Variants in PWWP2B observed in about 807,000 individuals in gnomAD.
PWWP2B encodes the protein PWWP domain containing 2B.
In PWWP2B, 9 loss-of-function variants were observed where a neutral mutation model predicts 15.5. The ratio of observed to expected loss-of-function variants is 0.58; its 90% CI spans 0.35 to 1.02. The LOEUF (loss-of-function observed/expected upper bound fraction) is 1.02. PWWP2B is among the 50% of genes least tolerant of loss of function. PWWP2B has a pLI of 0.02. For missense variants in PWWP2B, 864 were observed against 865.3 expected, an observed-to-expected ratio of 1.00 and a Z score of 0.02; for synonymous variants, 474 against 403.6, an observed-to-expected ratio of 1.17 and a Z score of -2.09.
chr10:132,414,016 C>T (rs1048252136), intron 2 of PWWP2B, among the ~76,000 whole-genome samples: 1 of 152,234 alleles, frequency 6.6e-6, no homozygotes, highest in Non-Finnish European at 1.5e-5. Context: ...GAGAACACCT[C>T]ATGTCCTGGA....
chr10:132,415,568 TACAC>T (rs72180590), intron 2 of PWWP2B, among the ~76,000 whole-genome samples: 32 of 130,288 alleles, frequency 2.5e-4, no homozygotes, highest in Middle Eastern at 4.4e-3. Context: ...CAAACACACA[TACAC>T]ACACATCCAC....
In PWWP2B at chr10:132,405,245, C is replaced by A; in HGVS notation, c.745C>A (p.Arg249=). Residue 249 remains arginine, a synonymous_variant, in exon 2 of 3, where the codon CGG becomes AGG. Transcript: ENST00000305233. Reference sequence around the variant, plus strand: ...CAGGGCCCCGGCAGAGCAGGTCCCGCGGAGCCCGGTCATCAAGATCTCCTA... The same window carrying A: ...CAGGGCCCCGGCAGAGCAGGTCCCGAGGAGCCCGGTCATCAAGATCTCCTA... ...EDRAPAEQVP[R]SPVIKISYST... is the part of the protein sequence containing the mutation. 6.2e-7 allele frequency: 1 copy of A among 1,608,420 alleles called. No homozygotes were observed. The highest frequency in any genetic ancestry group is 8.5e-7 in the Non-Finnish European group (1 of 1,178,276).
rs537154562 is a variant in PWWP2B at position 132,403,167 on chromosome 10, G to C, written c.126-1459G>C. On this transcript the variant is annotated intron_variant, in intron 1 of 2. Coordinates refer to ENST00000305233, the MANE Select transcript of PWWP2B (RefSeq NM_138499.4). Reference sequence around the variant, plus strand: ...GCTGCAGGCCCCACAGCGGTGCCTGGCCAGAGGAGAATGGGGCGGGTGGCG... The same window carrying C: ...GCTGCAGGCCCCACAGCGGTGCCTGCCCAGAGGAGAATGGGGCGGGTGGCG... Among the ~76,000 whole-genome samples the C allele has an allele frequency of 4.7e-4, 71 of 152,346 alleles. No individual in the cohort carries two copies. In the South Asian group the frequency reaches 0.015, roughly 32 times the overall value.
chr10:132,405,818 C>T lies in PWWP2B; in HGVS notation c.1318C>T (p.Pro440Ser). Residue 440 changes from proline to serine, a missense_variant, in exon 2 of 3, where the codon CCG (proline) becomes TCG (serine). Coordinates refer to ENST00000305233, the MANE Select transcript of PWWP2B (RefSeq NM_138499.4). ...CAGATCGTCCGGCTCGGAAGGGACG[C>T]CGGCAGACACGGGTGACCTCTCGCC... ...EARSSGSEGT[P>S]ADTGDLSPGH... is the part of the protein sequence containing the mutation. 1 of 1,608,760 alleles carries T rather than the reference C, an allele frequency of 6.2e-7. No homozygotes were observed. Among genetic ancestry groups the T allele is most frequent in the Non-Finnish European group, 8.5e-7 (1 of 1,179,610 alleles).
rs551919392 is a variant in PWWP2B at position 132,416,967 on chromosome 10, C to T, written c.*17-94C>T. On this transcript the variant is annotated intron_variant, in intron 2 of 2. Coordinates refer to ENST00000305233, the MANE Select transcript of PWWP2B (RefSeq NM_138499.4). ...GGTCCCGGGTGAGCCTCAGGCCCTC[C>T]GGGGCACCCTGACCTGCTGCTCAGA... The T allele has an allele frequency of 1.5e-4, 218 of 1,422,728 alleles. 1 individual carries two copies. Among genetic ancestry groups the T allele is most frequent in the Middle Eastern group, 1.4e-3 (8 of 5,698 alleles). The allele number at this position is 1,422,728 out of a possible 1,614,324, so 88.1% of individuals were successfully genotyped here.
At chr10:132,414,213 T>C (rs909837762) in intron 2 of PWWP2B, among the ~76,000 whole-genome samples, 8 of 152,162 alleles carry the variant, frequency 5.3e-5, no homozygotes, top group Admixed American at 4.6e-4. Flanking sequence ...CCAGGCTGTC[T>C]CCTCCCAAGG....
In PWWP2B at chr10:132,417,344, G is replaced by C. The variant is rs1012732425; in HGVS notation, c.*300G>C. On this transcript the variant is annotated 3_prime_UTR_variant, in exon 3 of 3. Transcript: ENST00000305233. ...TGGCTGCTGGCTGCTGCTGCCTCGC[G>C]CGCTGGGGTTCCATGGAGGAACTGG... The C allele has an allele frequency of 5.8e-6, 3 of 515,146 alleles. No homozygotes were observed. Among genetic ancestry groups the C allele is most frequent in the Non-Finnish European group, 1.0e-5 (3 of 288,968 alleles). The allele number at this position is 515,146 out of a possible 1,614,324, so 31.9% of individuals were successfully genotyped here.
intron 2 of PWWP2B, among the ~76,000 whole-genome samples, chr10:132,414,132 T>C (rs925434313): frequency 2.0e-5 from 3 of 152,220 alleles, no homozygotes; most frequent in African/African-American, 7.2e-5. Context: ...CCTTGGAGTC[T>C]GTGTCTCTGC....
rs559065610 is a variant in PWWP2B at position 132,404,326 on chromosome 10, C to T, written c.126-300C>T. On this transcript the variant is annotated intron_variant, in intron 1 of 2. Coordinates refer to ENST00000305233, the MANE Select transcript of PWWP2B (RefSeq NM_138499.4). Reference sequence around the variant, plus strand: ...GCTGGGGTCCACATGTCCCCTGGGGCCATGGACTGAGATTCGGAGCCTCTG... The same window carrying T: ...GCTGGGGTCCACATGTCCCCTGGGGTCATGGACTGAGATTCGGAGCCTCTG... 3.9e-5 allele frequency among the ~76,000 whole-genome samples: 6 copies of T among 152,240 alleles called. No homozygotes were observed. In the East Asian group the frequency reaches 9.7e-4, roughly 25 times the overall value.
intron 1 of PWWP2B, among the ~76,000 whole-genome samples, chr10:132,402,913 C>T (rs573599626): frequency 2.8e-4 from 42 of 152,338 alleles, no homozygotes; most frequent in African/African-American, 9.4e-4. Flanking sequence ...AGGTGTGGCC[C>T]GCTGGCCCCC....
Position 132,405,228 on chromosome 10 carries a change from C to A in PWWP2B, c.728C>A (p.Pro243Gln). The A allele has an allele frequency of 1.2e-6, 2 of 1,602,352 alleles. No individual in the cohort carries two copies. The highest frequency in any genetic ancestry group is 8.5e-7 in the Non-Finnish European group (1 of 1,175,676). Residue 243 changes from proline to glutamine, a missense_variant, in exon 2 of 3, where the codon CCG becomes CAG. By Grantham distance (76) the Pro-to-Gln change is moderately conservative (BLOSUM62 -1). Coordinates refer to ENST00000305233, the MANE Select transcript of PWWP2B (RefSeq NM_138499.4). Reference sequence around the variant, plus strand: ...GAGAGGCGCGAGGAGGACAGGGCCCCGGCAGAGCAGGTCCCGCGGAGCCCG... The same window carrying A: ...GAGAGGCGCGAGGAGGACAGGGCCCAGGCAGAGCAGGTCCCGCGGAGCCCG... ...KRERREEDRA[P>Q]AEQVPRSPVI...
chr10:132,408,383 G>T (rs1393540042), intron 2 of PWWP2B, among the ~76,000 whole-genome samples: 1 of 152,236 alleles, frequency 6.6e-6, no homozygotes, highest in Non-Finnish European at 1.5e-5. Flanking sequence ...TAGGGGAAAT[G>T]CGGGGGTACC....
Position 132,405,562 on chromosome 10 carries a change from G to A in PWWP2B, c.1062G>A (p.Val354=). 4 of 1,607,042 alleles carry A rather than the reference G, an allele frequency of 2.5e-6. No homozygotes were observed. The highest frequency in any genetic ancestry group is 2.5e-6 in the Non-Finnish European group (3 of 1,179,252). The change falls in exon 2 of 3, where the codon GTG becomes GTA. Residue 354 remains valine (V), a synonymous_variant. Transcript: ENST00000305233. The stretch of plus-strand genomic sequence containing the variant: ...AGCCCGTGTACCGGGCCGAGCTGGT[G>A]GGGGAGCTGAACGGGTACCTGCGGG... ...EHEPVYRAEL[V]GELNGYLRDS... is the part of the protein sequence containing the mutation.
rs560647459 is a variant in PWWP2B, at chr10:132,416,606, G to A, written c.*17-455G>A. Among the ~76,000 whole-genome samples the A allele has an allele frequency of 1.0e-3, 154 of 152,228 alleles. 2 individuals carry two copies. The highest frequency in any genetic ancestry group is 3.2e-3 in the African/African-American group (135 of 41,556). On this transcript the variant is annotated intron_variant, in intron 2 of 2. Transcript: ENST00000305233. ...CCTTCCCACCCTGGGATCCCCATGC[G>A]TGGGGCTGTGTCCTGGTGGAGGGGG... is the stretch of plus-strand genomic sequence containing the variant.
At chr10:132,400,393 C>T (rs11146360) in intron 1 of PWWP2B, among the ~76,000 whole-genome samples, 33,238 of 152,076 alleles carry the variant, frequency 0.22, 6,401 homozygotes, top group African/African-American at 0.52. Context: ...ACTATGCTGA[C>T]GGCTCATAAA....
At position 132,417,176 on chromosome 10, in the gene PWWP2B, G is replaced by A; in HGVS notation, c.*132G>A. 7.2e-7 allele frequency: 1 copy of A among 1,379,452 alleles called. No individual in the cohort carries two copies. Among genetic ancestry groups the A allele is most frequent in the South Asian group, 1.2e-5 (1 of 86,036 alleles). 85.5% of individuals were successfully genotyped at this position (1,379,452 alleles called of 1,614,324 possible). A position where few individuals can be genotyped will look rare whatever the true frequency, so the allele number is the denominator to read the frequency against. ...CCCACTGGGCACGGTGGTCGGCCTG[G>A]TGTGAGGCCCCCCGGGGACCGGCAG... is the stretch of plus-strand genomic sequence containing the variant. On this transcript the variant is annotated 3_prime_UTR_variant, in exon 3 of 3. Coordinates refer to ENST00000305233, the MANE Select transcript of PWWP2B (RefSeq NM_138499.4).
At chr10:132,417,034 C>T (rs1473943596) in intron 2 of PWWP2B, 27 bp from the exon 3 acceptor site, 1 of 1,613,492 alleles carries the variant, frequency 6.2e-7, no homozygotes, top group South Asian at 1.1e-5. Flanking sequence ...TGAGTTAAAT[C>T]TCTGCCCCTT....
rs776723868 is a variant in PWWP2B, at chr10:132,405,345, C to A, written c.845C>A (p.Pro282His). The A allele has an allele frequency of 6.2e-7, 1 of 1,611,544 alleles. No homozygotes were observed. The highest frequency in any genetic ancestry group is 1.3e-5 in the African/African-American group (1 of 74,908). Residue 282 changes from proline to histidine, a missense_variant, in exon 2 of 3, where the codon CCC becomes CAC. By Grantham distance (77) the Pro-to-His change is moderately conservative. Around this residue, in one of 2 missense-constraint regions of PWWP2B, gnomAD observed 736 missense variants for 687.7 expected, o/e 1.07. Transcript: ENST00000305233. ...CACGGCTCTCTGGAGCCCTTCCGTC[C>A]CCAGCAGGCCCCGCAGGACGACGGC... ...RVHGSLEPFR[P>H]QQAPQDDGSQ...
chr10:132,409,809 C>T (rs1324292475), intron 2 of PWWP2B, among the ~76,000 whole-genome samples: 3 of 152,138 alleles, frequency 2.0e-5, no homozygotes, highest in Admixed American at 6.5e-5. Flanking sequence ...GAGCATCCAG[C>T]GAGAAACCTG....
Sources: allele counts gnomAD v4.1 joint callset (sites outside exome capture counted in the v4.1 genomes callset), GRCh38; gene constraint gnomAD v4.1.1; regional missense constraint gnomAD v4.1.1; transcripts MANE v1.5; gene names NCBI Gene and HGNC (gene_info 2026-07-23, HGNC 2026-07-21).